The following PHTF1 variants were observed in gnomAD, a reference collection of about 807,000 sequenced individuals.
The protein encoded by PHTF1 is protein PHTF1.
Under a neutral mutation model 102.4 loss-of-function variants are expected in PHTF1, and 88 were observed. The ratio of observed to expected loss-of-function variants is 0.86; its 90% confidence interval spans 0.72 to 1.03. The LOEUF is 1.03. PHTF1 is among the 50% of genes least tolerant of loss of function. PHTF1 has a pLI of 0.00. For synonymous variants in PHTF1, 289 were observed against 305.2 expected (o/e 0.95, Z 0.55); for missense variants, 814 against 909.5 (o/e 0.89, Z 1.35).
At chr1:113,757,984 A>C (rs1265731522) in intron 2 of PHTF1, among the ~76,000 whole-genome samples, 1 of 152,218 alleles carries the variant, frequency 6.6e-6, no homozygotes, top group Non-Finnish European at 1.5e-5. Context: ...ATTTCAAATT[A>C]ATATTACCTT....
chr1:113,722,872 A>G (rs988541788), intron 7 of PHTF1, among the ~76,000 whole-genome samples: 2 of 151,340 alleles, frequency 1.3e-5, no homozygotes, highest in African/African-American at 4.8e-5. Context: ...GTGAGCCGAG[A>G]TCGCGCCATT....
chr1:113,704,819 TCA>T (rs1489683392), intron 13 of PHTF1, 22 bp from the exon 14 acceptor site: 11 of 1,523,546 alleles, frequency 7.2e-6, no homozygotes, highest in Non-Finnish European at 9.9e-6. Context: ...TTAAAAAAAA[TCA>T]CAGTGAAATG....
intron 13 of PHTF1, among the ~76,000 whole-genome samples, chr1:113,705,296 C>T (rs759106927): frequency 6.6e-6 from 1 of 152,014 alleles, no homozygotes; most frequent in Non-Finnish European, 1.5e-5. Flanking sequence ...AAAAATTAGT[C>T]GGGTGTGGTG....
chr1:113,722,209 T>C (rs936386316), intron 7 of PHTF1, among the ~76,000 whole-genome samples: 5 of 151,816 alleles, frequency 3.3e-5, no homozygotes, highest in African/African-American at 1.2e-4. Context: ...CCCACCACTT[T>C]GGGAAACCAA....
At chr1:113,746,457 G>A (rs894631198) in intron 3 of PHTF1, among the ~76,000 whole-genome samples, 1 of 152,136 alleles carries the variant, frequency 6.6e-6, no homozygotes. Flanking sequence ...TTCTCTTATA[G>A]GAAGGCACTG....
intron 16 of PHTF1, chr1:113,700,215 C>G: frequency 1.1e-6 from 1 of 923,196 alleles, no homozygotes; most frequent in South Asian, 5.0e-5. Context: ...TTATATTTTG[C>G]CTTGTAGGAA....
At chr1:113,718,878 T>C (rs1327381144) in intron 7 of PHTF1, among the ~76,000 whole-genome samples, 3 of 152,216 alleles carry the variant, frequency 2.0e-5, no homozygotes, top group Non-Finnish European at 4.4e-5. Context: ...GCCATGAAAG[T>C]GTCTGACATG....
chr1:113,745,511 G>T (rs1254617114), intron 3 of PHTF1, among the ~76,000 whole-genome samples: 1 of 152,178 alleles, frequency 6.6e-6, no homozygotes, highest in East Asian at 1.9e-4. Flanking sequence ...AACCCCCAGG[G>T]CATGGAATAG....
intron 11 of PHTF1, 23 bp from the exon 12 acceptor site, chr1:113,706,745 G>T: frequency 6.4e-7 from 1 of 1,555,744 alleles, no homozygotes. Context: ...ATATAAAATT[G>T]TTTCTATCCA....
chr1:113,705,121 T>G (rs1032486019), intron 13 of PHTF1, among the ~76,000 whole-genome samples: 1 of 152,216 alleles, frequency 6.6e-6, no homozygotes, highest in Non-Finnish European at 1.5e-5. Context: ...TCTGGCTTAT[T>G]CTCAAATTAA....
At chr1:113,722,436 C>G (rs1271049680) in intron 7 of PHTF1, among the ~76,000 whole-genome samples, 1 of 151,364 alleles carries the variant, frequency 6.6e-6, no homozygotes, top group Non-Finnish European at 1.5e-5. Flanking sequence ...GAGACTCTGT[C>G]TCAAAAAAAA....
chr1:113,731,528 C>T (rs1312872242), intron 5 of PHTF1, among the ~76,000 whole-genome samples: 1 of 150,580 alleles, frequency 6.6e-6, no homozygotes, highest in Admixed American at 6.6e-5. Flanking sequence ...GAGACCCCGT[C>T]TCTATTTTAA....
rs1376366998 is a variant in PHTF1 at position 113,724,751 on chromosome 1, A to ACTCCCACCTGTTGCCAAAGATAGT, written c.607_623+7dup. 1.9e-6 allele frequency: 3 copies of ACTCCCACCTGTTGCCAAAGATAGT among 1,589,068 alleles called. No individual in the cohort carries two copies. Among genetic ancestry groups the ACTCCCACCTGTTGCCAAAGATAGT allele is most frequent in the Non-Finnish European group, 1.7e-6 (2 of 1,172,054 alleles). On this transcript the variant is annotated splice_region_variant and intron_variant, in intron 7 of 18. Transcript: ENST00000369604. ...GTGAATACAAAATCAAGTAAAAAAGACTCCCACCTGTTGCCAAAGATAGTC... is the reference window on the plus strand; with the variant it reads ...GTGAATACAAAATCAAGTAAAAAAGACTCCCACCTGTTGCCAAAGATAGTCTCCCACCTGTTGCCAAAGATAGTC...
chr1:113,754,397 C>T (rs1448077658), intron 3 of PHTF1, among the ~76,000 whole-genome samples: 1 of 150,954 alleles, frequency 6.6e-6, no homozygotes, highest in South Asian at 2.1e-4. Flanking sequence ...GGCAACAGGG[C>T]CAGACCCTGT....
intron 13 of PHTF1, chr1:113,705,680 C>T (rs1650023023): frequency 1.9e-5 from 10 of 521,612 alleles, no homozygotes; most frequent in Non-Finnish European, 3.5e-5. Flanking sequence ...TTATTCTACA[C>T]ATGAGGCCTG....
At chr1:113,729,016 C>T (rs538957822) in intron 5 of PHTF1, among the ~76,000 whole-genome samples, 2 of 152,296 alleles carry the variant, frequency 1.3e-5, no homozygotes, top group South Asian at 4.1e-4. Flanking sequence ...TTGGAAGCAA[C>T]CTAAGTGTCC....
chr1:113,720,301 A>G (rs1652715684), intron 7 of PHTF1, among the ~76,000 whole-genome samples: 1 of 152,098 alleles, frequency 6.6e-6, no homozygotes, highest in Non-Finnish European at 1.5e-5. Context: ...TAAAGCAAAT[A>G]TTATTAGAGT....
chr1:113,738,735 A>T lies in PHTF1; in HGVS notation c.167T>A (p.Ile56Asn), dbSNP rs372302548. 9.4e-6 allele frequency: 15 copies of T among 1,587,572 alleles called. No homozygotes were observed. Among genetic ancestry groups the T allele is most frequent in the Non-Finnish European group, 1.3e-5 (15 of 1,164,670 alleles). ...AAAACAATTTTAAGACTAACCTCTGATTAAGTCAACGTCAATCAAGTCTGG... is the reference window on the plus strand; with the variant it reads ...AAAACAATTTTAAGACTAACCTCTGTTTAAGTCAACGTCAATCAAGTCTGG... Reference protein sequence around the residue: ...IKPDLIDVDLIRGSTFAKAKP... With the variant: ...IKPDLIDVDLNRGSTFAKAKP... Residue 56 changes from isoleucine to asparagine, a missense_variant, in exon 4 of 19, where the codon ATC (isoleucine) becomes AAC (asparagine). By Grantham distance (149) the Ile-to-Asn change is moderately radical. Coordinates refer to ENST00000369604, the MANE Select transcript of PHTF1 (RefSeq NM_001323043.2).
intron 5 of PHTF1, among the ~76,000 whole-genome samples, chr1:113,730,882 C>A (rs371856650): frequency 1.3e-5 from 2 of 152,086 alleles, no homozygotes; most frequent in South Asian, 2.1e-4. Context: ...GTAACCTTGA[C>A]GATGTTATGC....
Sources: gnomAD v4.1 joint callset for allele counts (sites outside exome capture counted in the v4.1 genomes callset) on GRCh38, gnomAD v4.1.1 for gene constraint, MANE v1.5 for transcripts, NCBI Gene and HGNC (gene_info 2026-07-23, HGNC 2026-07-21) for gene names.